Variants in RAD50 observed in about 807,000 individuals in gnomAD.
RAD50 encodes RAD50 double strand break repair protein, also known as DNA repair protein RAD50.
RAD50 carries 132 observed loss-of-function variants against 168.8 expected under a neutral mutation model. The ratio of observed to expected loss-of-function variants is 0.78; its 90% CI spans 0.68 to 0.90. The LOEUF (loss-of-function observed/expected upper bound fraction) is 0.90, where lower values mean the gene tolerates loss of function less well. RAD50 is among the 40% of genes least tolerant of loss of function. The probability of loss-of-function intolerance (pLI) is 0.00; values close to 1 mark genes in which losing one functional copy is unlikely to be tolerated. For missense variants in RAD50, 1,347 were observed against 1,534.4 expected (o/e 0.88, Z 2.04); for synonymous variants, 525 against 497.4 (o/e 1.06, Z -0.74).
rs893327360 is a variant in RAD50 at position 132,579,335 on chromosome 5, T to G, written c.384T>G (p.Ser128Arg). Reference protein sequence around the residue: ...ITRTKHGEKVSLSSKCAEIDR... With the variant: ...ITRTKHGEKVRLSSKCAEIDR... ...TCTGTAGGCATGGTGAAAAGGTCAG[T>G]CTGAGCTCTAAGTGTGCAGAAATTG... Residue 128 changes from serine to arginine, a missense_variant, in exon 4 of 25, where the codon AGT (serine) becomes AGG (arginine). This residue lies in a region of RAD50 where 703 missense variants were observed against 767.7 expected (regional missense o/e 0.92). Coordinates refer to ENST00000378823, the MANE Select transcript of RAD50 (RefSeq NM_005732.4). The G allele has an allele frequency of 1.9e-6, 3 of 1,613,886 alleles. No homozygotes were observed. Among genetic ancestry groups the G allele is most frequent in the Admixed American group, 1.7e-5 (1 of 60,008 alleles).
intron 5 of RAD50, among the ~76,000 whole-genome samples, chr5:132,582,401 A>G (rs1403367587): frequency 6.8e-6 from 1 of 146,144 alleles, no homozygotes; most frequent in Non-Finnish European, 1.5e-5. Flanking sequence ...ATGACTTCCA[A>G]AGTCCTTTTT....
intron 12 of RAD50, chr5:132,595,258 C>A: frequency 3.3e-6 from 2 of 605,660 alleles, no homozygotes; most frequent in Non-Finnish European, 5.7e-6. Context: ...ACACAACTAC[C>A]ACCTGTGGTA....
intron 2 of RAD50, among the ~76,000 whole-genome samples, chr5:132,571,295 A>C (rs968674339): frequency 1.3e-5 from 2 of 152,008 alleles, no homozygotes; most frequent in Admixed American, 6.5e-5. Context: ...GGTTGCCACA[A>C]ACCTCTGAAG....
chr5:132,601,779 T>C (rs1035280796), intron 13 of RAD50, among the ~76,000 whole-genome samples: 13 of 152,126 alleles, frequency 8.5e-5, no homozygotes, highest in South Asian at 2.1e-4. Context: ...ATATACACCA[T>C]GGAGTAACTA....
chr5:132,596,520 A>G (rs1658096077), intron 13 of RAD50, among the ~76,000 whole-genome samples: 1 of 152,248 alleles, frequency 6.6e-6, no homozygotes, highest in African/African-American at 2.4e-5. Context: ...TGCTAAAAGA[A>G]TGAATCATAG....
At chr5:132,604,086 G>T in intron 15 of RAD50, 40 bp downstream of exon 15, 1 of 1,608,356 alleles carries the variant, frequency 6.2e-7, no homozygotes, top group South Asian at 1.1e-5. Flanking sequence ...TAGAGACTTT[G>T]ACATTGCGAG....
intron 13 of RAD50, 55 bp from the exon 14 acceptor site, chr5:132,603,245 A>G (rs1750918421): frequency 7.5e-6 from 11 of 1,469,224 alleles, no homozygotes; most frequent in Non-Finnish European, 1.0e-5. Flanking sequence ...ACATAACCTC[A>G]GTCTAACTGT....
At chr5:132,579,652 C>A in intron 4 of RAD50, 150 bp downstream of exon 4, 3 of 876,666 alleles carry the variant, frequency 3.4e-6, no homozygotes, top group Non-Finnish European at 5.3e-6. Flanking sequence ...GGCATATTTT[C>A]TTTCACTTGT....
chr5:132,598,558 C>T (rs1203514958), intron 13 of RAD50, among the ~76,000 whole-genome samples: 1 of 151,980 alleles, frequency 6.6e-6, no homozygotes. Context: ...AGGTGGCTTT[C>T]ACTTGGGGTC....
At chr5:132,625,847 T>G (rs1205405090) in intron 21 of RAD50, among the ~76,000 whole-genome samples, 4 of 152,198 alleles carry the variant, frequency 2.6e-5, no homozygotes, top group Non-Finnish European at 5.9e-5. Context: ...TTATTCCAGA[T>G]GACAGGATCT....
intron 2 of RAD50, among the ~76,000 whole-genome samples, chr5:132,570,244 A>G (rs764608475): frequency 2.6e-5 from 4 of 152,174 alleles, no homozygotes; most frequent in African/African-American, 4.8e-5. Flanking sequence ...TAAGGAATCT[A>G]TGAGTTTATA....
rs374482849 is a variant in RAD50, at chr5:132,595,229, C to T, written c.1969+185C>T. On this transcript the variant is annotated intron_variant, in intron 12 of 24. Transcript: ENST00000378823. ...AAGTTACTGAAACCTTCCTGTGTTT[C>T]ATTGTCTATAAAATGAGGACACAAC... 108 of 653,476 alleles carry T rather than the reference C, an allele frequency of 1.7e-4. No individual in the cohort carries two copies. In the South Asian group the frequency reaches 2.0e-3, roughly 12 times the overall value. The allele number at this position is 653,476 out of a possible 1,614,324, so 40.5% of individuals were successfully genotyped here.
chr5:132,638,000 C>CT, intron 22 of RAD50, 81 bp from the exon 23 acceptor site: 1 of 1,460,856 alleles, frequency 6.8e-7, no homozygotes, highest in South Asian at 1.1e-5. Context: ...TCTGTTGTTC[C>CT]TAGGCTTACT....
intron 19 of RAD50, among the ~76,000 whole-genome samples, chr5:132,611,933 C>G (rs1182146216): frequency 6.6e-6 from 1 of 151,946 alleles, no homozygotes; most frequent in African/African-American, 2.4e-5. Context: ...ATGATTGAAG[C>G]CTGAAGTAAA....
intron 24 of RAD50, chr5:132,641,823 G>C (rs1392036468): frequency 9.5e-6 from 2 of 210,916 alleles, no homozygotes; most frequent in Non-Finnish European, 1.9e-5. Context: ...CCAGGCGAAG[G>C]AGTAAGCCTT....
chr5:132,595,865 CCATCTCATGCCTGGG>C, intron 13 of RAD50, 55 bp downstream of exon 13: 1 of 1,482,686 alleles, frequency 6.7e-7, no homozygotes. Flanking sequence ...TAAAAGGTAC[CCATCTCATGCCTGGG>C]CAGATGGTAG....
intron 21 of RAD50, among the ~76,000 whole-genome samples, chr5:132,631,089 A>G (rs1297680950): frequency 6.7e-6 from 1 of 149,248 alleles, no homozygotes; most frequent in Non-Finnish European, 1.5e-5. Flanking sequence ...TTTATAAATC[A>G]TTATTTTCTG....
chr5:132,588,501 TATATC>T (rs1176747568), intron 7 of RAD50, among the ~76,000 whole-genome samples, 181 bp from the exon 8 acceptor site: 1 of 152,184 alleles, frequency 6.6e-6, no homozygotes, highest in African/African-American at 2.4e-5. Flanking sequence ...ATTGATGAAT[TATATC>T]AATATCAGTA....
intron 11 of RAD50, chr5:132,592,876 C>G (rs576872685): frequency 2.1e-6 from 1 of 471,010 alleles, no homozygotes; most frequent in East Asian, 6.9e-5. Context: ...TGCAGCTGAT[C>G]TGGAAGCAGT....
Sources: gnomAD v4.1 joint callset for allele counts (sites outside exome capture counted in the v4.1 genomes callset) on GRCh38, gnomAD v4.1.1 for gene constraint, gnomAD v4.1.1 regional missense constraint, MANE v1.5 for transcripts, NCBI Gene and HGNC (gene_info 2026-07-23, HGNC 2026-07-21) for gene names.